The following NUAK1 variants were observed in gnomAD, a reference collection of about 807,000 sequenced individuals.
NUAK1 encodes the protein NUAK family kinase 1.
In NUAK1, 26 loss-of-function variants were observed where a neutral mutation model predicts 56.9. That is an observed-to-expected ratio of 0.46 (90% CI 0.33 to 0.63). NUAK1 has a LOEUF of 0.63. NUAK1 is among the 30% of genes least tolerant of loss of function. NUAK1 has a pLI of 0.02. For missense variants in NUAK1, 727 were observed against 876.1 expected (o/e 0.83, Z 2.15); for synonymous variants, 337 against 336.0 (o/e 1.00, Z -0.03).
chr12:106,106,363 T>G, intron 2 of NUAK1, 42 bp downstream of exon 2: 1 of 1,534,302 alleles, frequency 6.5e-7, no homozygotes. Context: ...GTATGAGAAA[T>G]GGTAACTGAT....
chr12:106,112,368 G>A (rs969812408), intron 1 of NUAK1, among the ~76,000 whole-genome samples: 5 of 152,098 alleles, frequency 3.3e-5, no homozygotes, highest in African/African-American at 1.2e-4. Flanking sequence ...CCCGGCTGGA[G>A]GCTGTAAAGT....
chr12:106,085,801 T>C (rs1282087601), intron 3 of NUAK1, among the ~76,000 whole-genome samples: 2 of 152,158 alleles, frequency 1.3e-5, no homozygotes, highest in Admixed American at 1.3e-4. Context: ...CAAACTGCTG[T>C]GCTCAAGGGA....
chr12:106,130,739 T>C (rs2033070232), intron 1 of NUAK1, among the ~76,000 whole-genome samples: 1 of 152,218 alleles, frequency 6.6e-6, no homozygotes, highest in Non-Finnish European at 1.5e-5. Context: ...AGCCTTTTCA[T>C]ATGTATCCAC....
chr12:106,071,892 A>G (rs1478298107), intron 5 of NUAK1, among the ~76,000 whole-genome samples: 1 of 152,222 alleles, frequency 6.6e-6, no homozygotes. Flanking sequence ...TCTCAAACAC[A>G]TAAATATTTG....
chr12:106,081,898 G>A lies in NUAK1; in HGVS notation c.579+1966C>T, dbSNP rs557443059. Among the ~76,000 whole-genome samples, 32 of 152,250 alleles carry A rather than the reference G, an allele frequency of 2.1e-4. No homozygotes were observed. In the South Asian group the frequency reaches 6.6e-3, roughly 32 times the overall value. Reference sequence around the variant, plus strand: ...AGGATCTGGAGAGGAAGTCAATAAGGTTGATGACACAAACCCTTAGAAAAA... The same window carrying A: ...AGGATCTGGAGAGGAAGTCAATAAGATTGATGACACAAACCCTTAGAAAAA... On this transcript the variant is annotated intron_variant, in intron 4 of 6. Transcript: ENST00000261402.
chr12:106,101,957 A>T (rs1362866940), intron 2 of NUAK1, among the ~76,000 whole-genome samples: 2 of 152,144 alleles, frequency 1.3e-5, no homozygotes, highest in African/African-American at 4.8e-5. Flanking sequence ...GAGGTGTAGG[A>T]GCTGGAATAC....
intron 4 of NUAK1, among the ~76,000 whole-genome samples, chr12:106,076,259 G>T (rs7972504): frequency 0.033 from 5,101 of 152,290 alleles, 293 homozygotes; most frequent in African/African-American, 0.12. Flanking sequence ...AAGAAGTTTT[G>T]CTAAAGGTTG....
rs368005382 is a variant in NUAK1 at position 106,086,724 on chromosome 12, G to A, written c.513+10C>T. On this transcript the variant is annotated intron_variant, in intron 3 of 6. Coordinates refer to ENST00000261402, the MANE Select transcript of NUAK1 (RefSeq NM_014840.3). The stretch of plus-strand genomic sequence containing the variant: ...CTACGGCCAAAGCTGCGGGCCAGGC[G>A]CAGCCATACCTTGTGACAATAGTGC... The A allele has an allele frequency of 3.3e-5, 52 of 1,598,824 alleles. No homozygotes were observed. The highest frequency in any genetic ancestry group is 1.1e-4 in the African/African-American group (8 of 74,668).
Position 106,067,178 on chromosome 12 carries a change from T to G in NUAK1, c.1610A>C (p.Asp537Ala). The change falls in exon 7 of 7, where the codon GAC (aspartate) becomes GCC (alanine). Residue 537 changes from aspartate to alanine, a missense_variant. Asp to Ala is a moderately radical substitution (Grantham distance 126, BLOSUM62 -2). Transcript: ENST00000261402. The surrounding 1 kb of genome is among the most constrained non-coding windows in gnomAD (Gnocchi z 6.0). ...CATTTCAGGGCTGACCAGGGCTGGGTCCATGGTGCCCGCTGAGTATTTGCT... is the reference window on the plus strand; with the variant it reads ...CATTTCAGGGCTGACCAGGGCTGGGGCCATGGTGCCCGCTGAGTATTTGCT... ...HSSKYSAGTM[D>A]PALVSPEMPT... 6.2e-7 allele frequency: 1 copy of G among 1,613,976 alleles called. No homozygotes were observed. Among genetic ancestry groups the G allele is most frequent in the Non-Finnish European group, 8.5e-7 (1 of 1,179,964 alleles).
chr12:106,076,202 T>A (rs903265226), intron 4 of NUAK1, among the ~76,000 whole-genome samples: 1 of 152,254 alleles, frequency 6.6e-6, no homozygotes, highest in Non-Finnish European at 1.5e-5. Flanking sequence ...CAGATGTTAA[T>A]CCTGCCCCTC....
chr12:106,106,130 C>G (rs1368339782), intron 2 of NUAK1: 1 of 269,770 alleles, frequency 3.7e-6, no homozygotes, highest in Non-Finnish European at 6.9e-6. Flanking sequence ...CACAAACTGG[C>G]TTTCAATAAG....
chr12:106,134,853 T>G (rs1336482940), intron 1 of NUAK1, among the ~76,000 whole-genome samples: 2 of 152,234 alleles, frequency 1.3e-5, no homozygotes, highest in Non-Finnish European at 2.9e-5. Context: ...TGAATCTGGC[T>G]AATTATCTCA....
rs894176388 is a variant in NUAK1, at chr12:106,085,248, A to G, written c.514-1319T>C. On this transcript the variant is annotated intron_variant, in intron 3 of 6. Transcript: ENST00000261402. ...ATCCAAGTGTTCACACACTTCCAATATCAAAAATATCACCTCTGTGGTGAT... is the reference window on the plus strand; with the variant it reads ...ATCCAAGTGTTCACACACTTCCAATGTCAAAAATATCACCTCTGTGGTGAT... 7.7e-4 allele frequency among the ~76,000 whole-genome samples: 118 copies of G among 152,362 alleles called. 1 individual carries two copies. The highest frequency in any genetic ancestry group is 2.8e-3 in the African/African-American group (115 of 41,592).
At chr12:106,091,858 C>T (rs1260026690) in intron 2 of NUAK1, among the ~76,000 whole-genome samples, 1 of 152,040 alleles carries the variant, frequency 6.6e-6, no homozygotes, top group African/African-American at 2.4e-5. Context: ...TTATTCCTCA[C>T]AATAATCTTA....
At chr12:106,094,571 C>T (rs2032674312) in intron 2 of NUAK1, among the ~76,000 whole-genome samples, 1 of 152,212 alleles carries the variant, frequency 6.6e-6, no homozygotes. Flanking sequence ...ACTGGCATCT[C>T]CCTGTCAATA....
At chr12:106,079,970 G>T (rs1253588558) in intron 4 of NUAK1, among the ~76,000 whole-genome samples, 1 of 152,180 alleles carries the variant, frequency 6.6e-6, no homozygotes, top group Non-Finnish European at 1.5e-5. Flanking sequence ...AATAAATATT[G>T]CCCAGAAAAG....
chr12:106,103,657 T>G (rs2032770446), intron 2 of NUAK1, among the ~76,000 whole-genome samples: 1 of 152,218 alleles, frequency 6.6e-6, no homozygotes, highest in Non-Finnish European at 1.5e-5. Flanking sequence ...ACATGCCTAC[T>G]AATATGGTTT....
intron 4 of NUAK1, among the ~76,000 whole-genome samples, chr12:106,081,511 C>T (rs773272540): frequency 1.3e-5 from 2 of 152,088 alleles, no homozygotes; most frequent in Non-Finnish European, 2.9e-5. Context: ...GATAATACTG[C>T]TTTGTGTGTG....
intron 2 of NUAK1, among the ~76,000 whole-genome samples, chr12:106,099,556 T>A (rs1305023622): frequency 6.6e-6 from 1 of 152,162 alleles, no homozygotes; most frequent in African/African-American, 2.4e-5. Flanking sequence ...CTGGTTAGTA[T>A]CAGGAGCACC....
Sources: allele counts gnomAD v4.1 joint callset (sites outside exome capture counted in the v4.1 genomes callset), GRCh38; gene constraint gnomAD v4.1.1; non-coding constraint Gnocchi (gnomAD v3.1); transcripts MANE v1.5; gene names NCBI Gene and HGNC (gene_info 2026-07-23, HGNC 2026-07-21).